TMEM132B: variants seen among roughly 807,000 people sequenced by gnomAD.
TMEM132B encodes transmembrane protein 132B.
In TMEM132B, 18 loss-of-function variants were observed where a neutral mutation model predicts 90.8. The observed-to-expected ratio is 0.20, with a 90% confidence interval of 0.14 to 0.29. The LOEUF is 0.29. Ranked by LOEUF, TMEM132B falls within the 10% of genes least tolerant of loss-of-function variation. The pLI is 1.00. For synonymous variants in TMEM132B, 504 were observed against 523.3 expected (o/e 0.96, Z 0.50); for missense variants, 1,096 against 1,326.8 (o/e 0.83, Z 2.70).
chr12:125,432,501 ATGTGTG>A (rs111351519), intron 3 of TMEM132B, among the ~76,000 whole-genome samples: 1 of 29,998 alleles, frequency 3.3e-5, no homozygotes. Context: ...GTGTATATAT[ATGTGTG>A]TGTGTATATA....
chr12:125,420,867 G>T (rs1395798568), intron 3 of TMEM132B, among the ~76,000 whole-genome samples: 1 of 152,032 alleles, frequency 6.6e-6, no homozygotes, highest in Non-Finnish European at 1.5e-5. Context: ...ATGCTTTGCT[G>T]CTTAGAAATT....
intron 3 of TMEM132B, among the ~76,000 whole-genome samples, chr12:125,486,871 C>T (rs1170923594): frequency 6.6e-6 from 1 of 152,190 alleles, no homozygotes; most frequent in Non-Finnish European, 1.5e-5. Context: ...TTATGTTATT[C>T]TCTTAGCTGA....
intron 1 of TMEM132B, among the ~76,000 whole-genome samples, chr12:125,263,749 A>G (rs2136112236): frequency 6.6e-6 from 1 of 152,332 alleles, no homozygotes; most frequent in South Asian, 2.1e-4. Context: ...TTTTGGTGCA[A>G]GAGGTGGCCT....
In TMEM132B at chr12:125,638,603, A is replaced by AT. The variant is rs529463500; in HGVS notation, c.1438-5463dup. On this transcript the variant is annotated intron_variant, in intron 5 of 8. Coordinates refer to ENST00000682704, the MANE Select transcript of TMEM132B (RefSeq NM_001366854.1). Reference sequence around the variant, plus strand: ...GAAACATACTACCTGATTCTGTAGCATTTTTTTTTTCTTCTAACATAGCAG... The same window carrying AT: ...GAAACATACTACCTGATTCTGTAGCATTTTTTTTTTTCTTCTAACATAGCAG... Among the ~76,000 whole-genome samples, 63 of 148,034 alleles carry AT rather than the reference A, an allele frequency of 4.3e-4. No homozygotes were observed. In the East Asian group the frequency reaches 5.9e-3, roughly 14 times the overall value.
intron 3 of TMEM132B, among the ~76,000 whole-genome samples, chr12:125,502,217 C>A (rs1882718886): frequency 6.6e-6 from 1 of 152,210 alleles, no homozygotes. Context: ...ACTACTTTAT[C>A]TAAATGATCT....
At chr12:125,212,701 A>G (rs1414270746) in intron 1 of TMEM132B, among the ~76,000 whole-genome samples, 2 of 152,078 alleles carry the variant, frequency 1.3e-5, no homozygotes, top group Non-Finnish European at 2.9e-5. Flanking sequence ...TCTAAAAAAA[A>G]AGAAATTCCT....
intron 3 of TMEM132B, among the ~76,000 whole-genome samples, chr12:125,441,091 T>G (rs1256292164): frequency 1.3e-5 from 2 of 152,250 alleles, no homozygotes; most frequent in African/African-American, 4.8e-5. Flanking sequence ...GGCCTTAGTT[T>G]CTTCAACCTT....
chr12:125,218,470 G>T (rs1220555417), intron 1 of TMEM132B, among the ~76,000 whole-genome samples: 2 of 152,094 alleles, frequency 1.3e-5, no homozygotes, highest in African/African-American at 4.8e-5. Context: ...CTGGCTTCTA[G>T]ATTTCCAGTG....
At chr12:125,371,415 CAG>C (rs545653393) in intron 2 of TMEM132B, among the ~76,000 whole-genome samples, 105 of 152,280 alleles carry the variant, frequency 6.9e-4, no homozygotes, top group African/African-American at 2.5e-3. Flanking sequence ...CCCGGGGTGT[CAG>C]GGGATTCTTT....
chr12:125,550,695 A>G (rs756900013), intron 4 of TMEM132B, among the ~76,000 whole-genome samples: 2 of 152,232 alleles, frequency 1.3e-5, no homozygotes, highest in Non-Finnish European at 2.9e-5. Context: ...GTAACAGCAC[A>G]ACATTTCTTT....
rs138489257 is a variant in TMEM132B at position 125,217,833 on chromosome 12, C to T, written c.67+30967C>T. ...GTCCATGCCTTGAACCCAGCAATTG[C>T]GCACTGAGATGTTTATCACACAGAT... On this transcript the variant is annotated intron_variant, in intron 1 of 8. Coordinates refer to ENST00000682704, the MANE Select transcript of TMEM132B (RefSeq NM_001366854.1). Among the ~76,000 whole-genome samples, 24 of 152,278 alleles carry T rather than the reference C, an allele frequency of 1.6e-4. 1 individual carries two copies. The East Asian group carries it at 3.5e-3, about 22-fold the overall frequency.
chr12:125,331,118 G>C (rs963322863), intron 1 of TMEM132B, among the ~76,000 whole-genome samples: 1 of 152,332 alleles, frequency 6.6e-6, no homozygotes, highest in Admixed American at 6.5e-5. Flanking sequence ...CGCGAGGCCC[G>C]GGGTCTGCGG....
chr12:125,469,935 T>C (rs562682917), intron 3 of TMEM132B, among the ~76,000 whole-genome samples: 2 of 152,204 alleles, frequency 1.3e-5, no homozygotes, highest in South Asian at 4.1e-4. Flanking sequence ...TAGGAAATGC[T>C]GTTTAGCAGT....
At chr12:125,626,720 A>G (rs1566093405) in intron 5 of TMEM132B, among the ~76,000 whole-genome samples, 1 of 151,460 alleles carries the variant, frequency 6.6e-6, no homozygotes, top group Non-Finnish European at 1.5e-5. Flanking sequence ...TCCCTACAGG[A>G]TTTTCTCTTT....
intron 2 of TMEM132B, among the ~76,000 whole-genome samples, chr12:125,400,967 GC>G (rs1566023554): frequency 2.6e-5 from 4 of 152,094 alleles, no homozygotes; most frequent in African/African-American, 4.8e-5. Context: ...TATGGGTCCT[GC>G]CCCCCAGACC....
intron 1 of TMEM132B, among the ~76,000 whole-genome samples, chr12:125,253,486 G>A (rs1874361326): frequency 6.8e-6 from 1 of 147,394 alleles, no homozygotes; most frequent in African/African-American, 2.5e-5. Context: ...CCAGGCTGGA[G>A]TGCAGTGGTA....
intron 1 of TMEM132B, among the ~76,000 whole-genome samples, chr12:125,240,474 A>G (rs1303112692): frequency 6.6e-6 from 1 of 152,132 alleles, no homozygotes; most frequent in East Asian, 1.9e-4. Flanking sequence ...AGCCTCATCT[A>G]TGGGCAGTTT....
At chr12:125,609,465 A>G (rs909108718) in intron 5 of TMEM132B, among the ~76,000 whole-genome samples, 2 of 152,026 alleles carry the variant, frequency 1.3e-5, no homozygotes, top group Non-Finnish European at 2.9e-5. Context: ...TTTGATAGAA[A>G]TTGCATTGGA....
At chr12:125,519,786 T>A (rs1883261229) in intron 4 of TMEM132B, among the ~76,000 whole-genome samples, 161 bp downstream of exon 4, 1 of 152,242 alleles carries the variant, frequency 6.6e-6, no homozygotes, top group Non-Finnish European at 1.5e-5. Flanking sequence ...AATGGCTCCT[T>A]GGGAACTATT....
Sources: gnomAD v4.1 joint callset for allele counts (sites outside exome capture counted in the v4.1 genomes callset) on GRCh38, gnomAD v4.1.1 for gene constraint, MANE v1.5 for transcripts, NCBI Gene and HGNC (gene_info 2026-07-23, HGNC 2026-07-21) for gene names.